The following SI variants were observed in gnomAD, a reference collection of about 807,000 sequenced individuals.
SI encodes sucrase-isomaltase, also known as sucrase-isomaltase, intestinal.
A neutral mutation model predicts 253.3 loss-of-function variants in SI; 235 were observed. The observed-to-expected ratio is 0.93, with a 90% confidence interval of 0.83 to 1.03. The LOEUF is 1.03. SI is among the 50% of genes least tolerant of loss of function. SI has a pLI of 0.00. For missense variants in SI, 2,442 were observed against 2,211.1 expected, an observed-to-expected ratio of 1.10 and a Z score of -2.09; for synonymous variants, 819 against 712.0, an observed-to-expected ratio of 1.15 and a Z score of -2.39.
chr3:165,059,930 C>T lies in SI; in HGVS notation c.1118G>A (p.Arg373Lys), dbSNP rs1183995604. The T allele has an allele frequency of 3.7e-6, 6 of 1,612,032 alleles. No individual in the cohort carries two copies. Among genetic ancestry groups the T allele is most frequent in the African/African-American group, 1.3e-5 (1 of 74,842 alleles). ...TGGTATGCCAGCTTCCCGGTTTCTC[C>T]TTACCACTTCTTTCACTACATCTAG... ...KSLDVVKEVVRRNREAGIPFD... is the reference protein window; with the variant it reads ...KSLDVVKEVVKRNREAGIPFD... The change falls in exon 10 of 48, where the codon AGG becomes AAG. Residue 373 changes from arginine (R) to lysine (K), a missense_variant. Arg to Lys is a conservative substitution (Grantham distance 26). Transcript: ENST00000264382.
chr3:165,059,741 GCATTA>G (rs1713895444), intron 10 of SI, among the ~76,000 whole-genome samples, 156 bp downstream of exon 10: 1 of 151,838 alleles, frequency 6.6e-6, no homozygotes, highest in Non-Finnish European at 1.5e-5. Flanking sequence ...GGAGGCAAGG[GCATTA>G]CATATGAGAT....
At position 164,990,227 on chromosome 3, in the gene SI, TA is replaced by T. The variant is rs906599316; in HGVS notation, c.5108+1125del. On this transcript the variant is annotated intron_variant, in intron 44 of 47. Coordinates refer to ENST00000264382, the MANE Select transcript of SI (RefSeq NM_001041.4). The stretch of plus-strand genomic sequence containing the variant: ...TCAATTTTGCTGTATAAAACTGCTC[TA>T]AAAAATAAGTCTTTGAAAAACAGGT... Among the ~76,000 whole-genome samples, 5 of 152,176 alleles carry T rather than the reference TA, an allele frequency of 3.3e-5. No individual in the cohort carries two copies. The South Asian group carries it at 8.3e-4, about 25-fold the overall frequency.
chr3:164,992,062 C>T (rs1717758547), intron 43 of SI, 115 bp downstream of exon 43: 5 of 880,382 alleles, frequency 5.7e-6, no homozygotes, highest in Admixed American at 1.8e-5. Flanking sequence ...AAATATGTTA[C>T]TTTCCACTCT....
At chr3:165,021,669 CT>C (rs1266333610) in intron 26 of SI, among the ~76,000 whole-genome samples, 1 of 151,510 alleles carries the variant, frequency 6.6e-6, no homozygotes, top group Non-Finnish European at 1.5e-5. Flanking sequence ...GCTAAATATT[CT>C]GTTGTATGGG....
At chr3:165,048,580 T>TAG (rs71156876) in intron 15 of SI, among the ~76,000 whole-genome samples, 1,149 of 109,794 alleles carry the variant, frequency 0.01, 13 homozygotes, top group South Asian at 0.024. Context: ...TATATATATA[T>TAG]ATATAGAGAG....
intron 17 of SI, among the ~76,000 whole-genome samples, chr3:165,042,542 C>T (rs1451443653): frequency 6.6e-6 from 1 of 152,018 alleles, no homozygotes; most frequent in Non-Finnish European, 1.5e-5. Flanking sequence ...AGTCCAAAAC[C>T]GTGTTTTAAA....
At chr3:165,015,501 A>T (rs2108171461) in intron 32 of SI, among the ~76,000 whole-genome samples, 1 of 152,202 alleles carries the variant, frequency 6.6e-6, no homozygotes, top group Admixed American at 6.5e-5. Flanking sequence ...CTATGGTGAG[A>T]TATCTGGCTA....
At chr3:165,085,610 T>G in the SI span, among the ~76,000 whole-genome samples, 6 of 152,162 alleles carry the variant, frequency 3.9e-5, no homozygotes, top group African/African-American at 7.2e-5. Context: ...TGTTAAATAA[T>G]GCCATATCTG....
intron 15 of SI, among the ~76,000 whole-genome samples, chr3:165,048,792 C>T (rs9755313): frequency 0.6 from 90,769 of 151,308 alleles, 27,409 homozygotes; most frequent in East Asian, 0.81. Flanking sequence ...TAGATTTGTA[C>T]TTTTAATAGA....
At chr3:165,007,579 T>TG (rs1216686537) in intron 36 of SI, among the ~76,000 whole-genome samples, 3 of 151,874 alleles carry the variant, frequency 2.0e-5, no homozygotes, top group Non-Finnish European at 2.9e-5. Flanking sequence ...TCTGGGAAAA[T>TG]TATTAAGCAA....
chr3:165,009,157 G>GA, intron 35 of SI, 122 bp downstream of exon 35: 1 of 701,974 alleles, frequency 1.4e-6, no homozygotes, highest in Admixed American at 2.3e-5. Flanking sequence ...TTCTGTGGGG[G>GA]AAAAAAGTGG....
At chr3:165,000,315 A>T (rs1718199834) in intron 37 of SI, among the ~76,000 whole-genome samples, 1 of 151,484 alleles carries the variant, frequency 6.6e-6, no homozygotes, top group East Asian at 1.9e-4. Context: ...GTTGATAAGG[A>T]TTCTACATAA....
intron 13 of SI, among the ~76,000 whole-genome samples, chr3:165,054,072 G>A (rs1182621206): frequency 6.6e-6 from 1 of 151,802 alleles, no homozygotes; most frequent in East Asian, 1.9e-4. Flanking sequence ...TTCCATCTTT[G>A]TATTCCCAAC....
At position 165,006,840 on chromosome 3, in the gene SI, C is replaced by T. The variant is rs1412488925; in HGVS notation, c.4382G>A (p.Trp1461Ter). 6.2e-7 allele frequency: 1 copy of T among 1,612,558 alleles called. No individual in the cohort carries two copies. The highest frequency in any genetic ancestry group is 1.3e-5 in the African/African-American group (1 of 74,858). Reference protein sequence around the residue: ...LHYDVHNLYGWSQMKPTHDAL... With the variant: ...LHYDVHNLYG ...CTCATGAGTAGGTTTCATCTGTGAC[C>T]ATCCATAGAGATTGTGAACATCGTA... is the stretch of plus-strand genomic sequence containing the variant. Residue 1461 changes from tryptophan to a stop codon, truncating the protein, a stop_gained, in exon 37 of 48, where the codon TGG (tryptophan) becomes TAG (stop). Coordinates refer to ENST00000264382, the MANE Select transcript of SI (RefSeq NM_001041.4). LOFTEE classifies it high-confidence loss of function.
At chr3:165,046,800 A>G (rs374942124) in intron 16 of SI, 41 bp downstream of exon 16, 2 of 1,454,430 alleles carry the variant, frequency 1.4e-6, no homozygotes, top group Admixed American at 1.7e-5. Context: ...AATTAATGTA[A>G]TTGTAGCTTT....
Position 165,025,518 on chromosome 3 carries a change from G to A in SI, c.2893-1742C>T, listed in dbSNP as rs146943741. 9.9e-3 allele frequency among the ~76,000 whole-genome samples: 1,494 copies of A among 151,144 alleles called. 16 individuals carry two copies. The highest frequency in any genetic ancestry group is 0.033 in the African/African-American group (1,380 of 41,376). ...TCAAAGAACACTTGGGATATTCATC[G>A]CAAAAAGGTCATTGCCTAGACACAT... is the stretch of plus-strand genomic sequence containing the variant. On this transcript the variant is annotated intron_variant, in intron 25 of 47. Coordinates refer to ENST00000264382, the MANE Select transcript of SI (RefSeq NM_001041.4).
chr3:165,037,278 TA>T (rs1241258646), intron 21 of SI, among the ~76,000 whole-genome samples: 1 of 151,960 alleles, frequency 6.6e-6, no homozygotes, highest in African/African-American at 2.4e-5. Context: ...GAATAAAGAG[TA>T]ACTTCCTGTT....
intron 26 of SI, among the ~76,000 whole-genome samples, chr3:165,021,701 G>T (rs932917647): frequency 6.6e-6 from 1 of 151,528 alleles, no homozygotes; most frequent in African/African-American, 2.4e-5. Flanking sequence ...TTATTTCATG[G>T]TTAAAAACAG....
rs79468450 is a variant in SI at position 165,065,376 on chromosome 3, G to C, written c.692C>G (p.Thr231Ser). 1.8e-3 allele frequency: 2,830 copies of C among 1,588,078 alleles called. 47 individuals carry two copies. In the African/African-American group the frequency reaches 0.034, roughly 19 times the overall value. ...ATAAATATAATCACTTGGAAGACGG[G>C]TTGAGATCTGTAAGTACTGGTCAGA... Reference protein sequence around the residue: ...VYSDQYLQISTRLPSDYIYGI... With the variant: ...VYSDQYLQISSRLPSDYIYGI... The change falls in exon 7 of 48, where the codon ACC (threonine) becomes AGC (serine). Residue 231 changes from threonine (T) to serine (S), a missense_variant. Physicochemically the swap from Thr to Ser is moderately conservative, Grantham distance 58. Coordinates refer to ENST00000264382, the MANE Select transcript of SI (RefSeq NM_001041.4).
Sources: allele counts gnomAD v4.1 joint callset (sites outside exome capture counted in the v4.1 genomes callset), GRCh38; gene constraint gnomAD v4.1.1; transcripts MANE v1.5; gene names NCBI Gene and HGNC (gene_info 2026-07-23, HGNC 2026-07-21).